ZCCHC7: variants seen among roughly 807,000 people sequenced by gnomAD.
ZCCHC7 encodes zinc finger CCHC domain-containing protein 7.
A neutral mutation model predicts 52.0 loss-of-function variants in ZCCHC7; 35 were observed. That is an observed-to-expected ratio of 0.67 (90% CI 0.51 to 0.89). The LOEUF is 0.89. ZCCHC7 is among the 40% of genes least tolerant of loss of function. The pLI is 0.00. For synonymous variants in ZCCHC7, 217 were observed against 221.5 expected (o/e 0.98, Z 0.18); for missense variants, 574 against 649.1 (o/e 0.88, Z 1.26).
intron 2 of ZCCHC7, among the ~76,000 whole-genome samples, chr9:37,292,207 C>A (rs983404037): frequency 6.6e-6 from 1 of 152,042 alleles, no homozygotes; most frequent in Admixed American, 6.6e-5. Context: ...TCTCTTTATT[C>A]TTCTATAAAT....
At chr9:37,209,754 G>A (rs1036269813) in intron 2 of ZCCHC7, among the ~76,000 whole-genome samples, 12 of 152,180 alleles carry the variant, frequency 7.9e-5, no homozygotes, top group African/African-American at 2.9e-4. Flanking sequence ...GCATATAGCA[G>A]CATTAGGACT....
rs547800271 is a variant in ZCCHC7 at position 37,320,492 on chromosome 9, T to G, written c.952-7307T>G. On this transcript the variant is annotated intron_variant, in intron 5 of 8. Coordinates refer to ENST00000336755, the MANE Select transcript of ZCCHC7 (RefSeq NM_032226.3). The stretch of plus-strand genomic sequence containing the variant: ...CAATAATTTCTGATAGGATTTTGAT[T>G]ACAGTTGTGTTCCAGTCTATAGACT... Among the ~76,000 whole-genome samples the G allele has an allele frequency of 3.9e-5, 6 of 152,354 alleles. No homozygotes were observed. The East Asian group carries it at 1.2e-3, about 29-fold the overall frequency.
At chr9:37,137,212 T>G (rs577869984) in intron 2 of ZCCHC7, among the ~76,000 whole-genome samples, 91 of 152,158 alleles carry the variant, frequency 6.0e-4, no homozygotes, top group Middle Eastern at 3.4e-3. Context: ...TACAAATATA[T>G]GAGATGCTCC....
chr9:37,345,914 A>G (rs545235457), intron 6 of ZCCHC7, among the ~76,000 whole-genome samples: 1 of 152,210 alleles, frequency 6.6e-6, no homozygotes, highest in African/African-American at 2.4e-5. Context: ...ACAGTTTTTC[A>G]TTTTAGGGAA....
chr9:37,180,027 A>G (rs1375740352), intron 2 of ZCCHC7, among the ~76,000 whole-genome samples: 1 of 152,190 alleles, frequency 6.6e-6, no homozygotes, highest in Non-Finnish European at 1.5e-5. Context: ...ACAAGGAGAA[A>G]GATAGGAAAA....
chr9:37,220,438 A>C (rs1016183230), intron 2 of ZCCHC7, among the ~76,000 whole-genome samples: 1 of 152,200 alleles, frequency 6.6e-6, no homozygotes, highest in Non-Finnish European at 1.5e-5. Flanking sequence ...GCTACTTGGG[A>C]GGCTGAGGCA....
intron 5 of ZCCHC7, among the ~76,000 whole-genome samples, chr9:37,318,942 CAAA>C (rs34576609): frequency 1.1e-4 from 12 of 106,990 alleles, no homozygotes; most frequent in Admixed American, 4.0e-4. Flanking sequence ...GACTCTGTCT[CAAA>C]AAAAAAAAAA....
chr9:37,306,762 CTTTTTTTTTTTTTTTTT>C lies in ZCCHC7; in HGVS notation c.951+1074_951+1090del, dbSNP rs869292704. On this transcript the variant is annotated intron_variant, in intron 5 of 8. Coordinates refer to ENST00000336755, the MANE Select transcript of ZCCHC7 (RefSeq NM_032226.3). ...ACAGGCATGAGCCACTGTACCCGAC[CTTTTTTTTTTTTTTTTT>C]TTTTTTTTTTTTTTTTTTTTTTTTT... Among the ~76,000 whole-genome samples the C allele has an allele frequency of 2.7e-3, 141 of 52,012 alleles. 1 individual carries two copies. Among genetic ancestry groups the C allele is most frequent in the East Asian group, 8.2e-3 (12 of 1,458 alleles). 34.1% of individuals were successfully genotyped at this position (52,012 alleles called of 152,430 possible).
At chr9:37,162,191 A>G (rs950220723) in intron 2 of ZCCHC7, among the ~76,000 whole-genome samples, 19 of 152,056 alleles carry the variant, frequency 1.2e-4, no homozygotes, top group Admixed American at 1.1e-3. Flanking sequence ...ATACTTATAT[A>G]CTACATATAA....
chr9:37,299,110 C>T (rs907996061), intron 2 of ZCCHC7, among the ~76,000 whole-genome samples: 2 of 152,158 alleles, frequency 1.3e-5, no homozygotes, highest in African/African-American at 4.8e-5. Context: ...AAGAACAACC[C>T]TATAAAAGCA....
intron 2 of ZCCHC7, among the ~76,000 whole-genome samples, chr9:37,260,900 G>A (rs1404480444): frequency 6.6e-6 from 1 of 152,138 alleles, no homozygotes; most frequent in East Asian, 1.9e-4. Flanking sequence ...AAATACTCTT[G>A]TTGATTTAGT....
At chr9:37,180,472 A>G (rs1822289716) in intron 2 of ZCCHC7, among the ~76,000 whole-genome samples, 1 of 152,140 alleles carries the variant, frequency 6.6e-6, no homozygotes, top group African/African-American at 2.4e-5. Flanking sequence ...TATATAGTAA[A>G]ACACTATTTG....
intron 2 of ZCCHC7, among the ~76,000 whole-genome samples, chr9:37,245,529 A>G (rs1169902440): frequency 1.3e-5 from 2 of 152,198 alleles, no homozygotes; most frequent in South Asian, 2.1e-4. Flanking sequence ...TAAGCAGTAG[A>G]AATGTGTTAT....
chr9:37,132,296 G>A (rs1842817465), intron 2 of ZCCHC7, among the ~76,000 whole-genome samples: 2 of 152,160 alleles, frequency 1.3e-5, no homozygotes. Flanking sequence ...TATTTTCCTG[G>A]TTAGGGAAGG....
At chr9:37,212,621 A>G (rs1429051867) in intron 2 of ZCCHC7, among the ~76,000 whole-genome samples, 1 of 152,216 alleles carries the variant, frequency 6.6e-6, no homozygotes, top group Non-Finnish European at 1.5e-5. Context: ...CTCTGGTATC[A>G]GCTTAAGGCA....
At chr9:37,352,586 T>C (rs1043082124) in intron 7 of ZCCHC7, among the ~76,000 whole-genome samples, 1 of 147,812 alleles carries the variant, frequency 6.8e-6, no homozygotes, top group African/African-American at 2.6e-5. Flanking sequence ...TGGCGCAGTC[T>C]TGGCTCACTG....
At chr9:37,203,108 C>T (rs1371242745) in intron 2 of ZCCHC7, among the ~76,000 whole-genome samples, 14 of 152,134 alleles carry the variant, frequency 9.2e-5, no homozygotes, top group Non-Finnish European at 1.9e-4. Context: ...GATTCTGAGT[C>T]GATGGACCCA....
rs989464532 is a variant in ZCCHC7, at chr9:37,357,251, A to AG, written c.1616dup (p.Ser543ValfsTer34). 6.3e-7 allele frequency: 1 copy of AG among 1,593,092 alleles called. No homozygotes were observed. Among genetic ancestry groups the AG allele is most frequent in the African/African-American group, 1.4e-5 (1 of 73,328 alleles). On this transcript the variant is annotated frameshift_variant, in exon 9 of 9. Coordinates refer to ENST00000336755, the MANE Select transcript of ZCCHC7 (RefSeq NM_032226.3). LOFTEE classifies it high-confidence loss of function. ...TGATAACTTATTTCTTATTAAGCAGAGAAAAAAAAAGTCTTAAGCCGTCAG... is the reference window on the plus strand; with the variant it reads ...TGATAACTTATTTCTTATTAAGCAGAGGAAAAAAAAAGTCTTAAGCCGTCAG...
At chr9:37,124,056 T>C (rs1842438396) in intron 1 of ZCCHC7, among the ~76,000 whole-genome samples, 1 of 152,226 alleles carries the variant, frequency 6.6e-6, no homozygotes, top group Admixed American at 6.5e-5. Flanking sequence ...GGGATTAAGG[T>C]GGTTCTATTA....
Sources: allele counts gnomAD v4.1 joint callset (sites outside exome capture counted in the v4.1 genomes callset), GRCh38; gene constraint gnomAD v4.1.1; transcripts MANE v1.5; gene names NCBI Gene and HGNC (gene_info 2026-07-23, HGNC 2026-07-21).